The following TAMALIN variants were observed in gnomAD, a reference collection of about 807,000 sequenced individuals.
TAMALIN encodes protein TAMALIN.
A neutral mutation model predicts 38.5 loss-of-function variants in TAMALIN; 9 were observed. That is an observed-to-expected ratio of 0.23 (90% CI 0.14 to 0.41). The LOEUF (loss-of-function observed/expected upper bound fraction) is 0.41. Among genes scored for constraint, TAMALIN ranks in the 10% least tolerant of loss-of-function variants. The probability of loss-of-function intolerance (pLI) is 1.00; values close to 1 mark genes in which losing one functional copy is unlikely to be tolerated. For synonymous variants in TAMALIN, 306 were observed against 256.5 expected, an observed-to-expected ratio of 1.19 and a Z score of -1.85; for missense variants, 548 against 554.1, an observed-to-expected ratio of 0.99 and a Z score of 0.11.
At position 52,014,206 on chromosome 12, in the gene TAMALIN, G is replaced by A. The variant is rs1426510363; in HGVS notation, c.682+5G>A. ...AGGAGCAGCGGCTGGTGCATGGTGA[G>A]TAGATCCCGGGGTGTGAGGGGCCAC... On this transcript the variant is annotated splice_donor_5th_base_variant and intron_variant, in intron 7 of 7. Coordinates refer to ENST00000293662, the MANE Select transcript of TAMALIN (RefSeq NM_181711.4). 1.3e-6 allele frequency: 2 copies of A among 1,594,210 alleles called. No homozygotes were observed. The highest frequency in any genetic ancestry group is 1.7e-6 in the Non-Finnish European group (2 of 1,169,852).
At position 52,015,469 on chromosome 12, in the gene TAMALIN, A is replaced by G. The variant is rs1937789019; in HGVS notation, c.*270A>G. ...GCCAAAGATGGGGGTGCTCGCCTAC[A>G]GTCTGCATCTGTAGTGCCTTGTGGG... is the stretch of plus-strand genomic sequence containing the variant. On this transcript the variant is annotated 3_prime_UTR_variant, in exon 8 of 8. Transcript: ENST00000293662. The G allele has an allele frequency of 7.0e-6, 3 of 428,620 alleles. No individual in the cohort carries two copies. The highest frequency in any genetic ancestry group is 1.3e-5 in the Non-Finnish European group (3 of 234,850). The allele number at this position is 428,620 out of a possible 1,614,324, so 26.6% of individuals were successfully genotyped here.
At position 52,014,796 on chromosome 12, in the gene TAMALIN, T is replaced by C; in HGVS notation, c.785T>C (p.Leu262Pro). ...LLPGSLPFGP[L>P]LAVPGRPRGG... The stretch of plus-strand genomic sequence containing the variant: ...CCGGGCTCGCTGCCCTTCGGGCCTC[T>C]GCTCGCCGTGCCCGGGCGTCCCCGC... The change falls in exon 8 of 8, where the codon CTG (leucine) becomes CCG (proline). Residue 262 changes from leucine to proline, a missense_variant. Physicochemically the swap from Leu to Pro is moderately conservative, Grantham distance 98 (BLOSUM62 -3). Coordinates refer to ENST00000293662, the MANE Select transcript of TAMALIN (RefSeq NM_181711.4). The C allele has an allele frequency of 7.1e-7, 1 of 1,408,860 alleles. No individual in the cohort carries two copies. The highest frequency in any genetic ancestry group is 9.2e-7 in the Non-Finnish European group (1 of 1,087,804). The allele number at this position is 1,408,860 out of a possible 1,614,324, so 87.3% of individuals were successfully genotyped here. A position where few individuals can be genotyped will look rare whatever the true frequency, so the allele number is the denominator to read the frequency against.
At position 52,007,815 on chromosome 12, in the gene TAMALIN, C is replaced by T. The variant is rs1015168278; in HGVS notation, c.246+550C>T. 1 of 985,440 alleles carries T rather than the reference C, an allele frequency of 1.0e-6. No homozygotes were observed. The highest frequency in any genetic ancestry group is 1.7e-5 in the African/African-American group (1 of 57,376). The allele number at this position is 985,440 out of a possible 1,614,324, so 61.0% of individuals were successfully genotyped here. A position where few individuals can be genotyped will look rare whatever the true frequency, so the allele number is the denominator to read the frequency against. On this transcript the variant is annotated intron_variant, in intron 1 of 7. Transcript: ENST00000293662. This position sits in a 1 kb window ranked among gnomAD's most constrained non-coding sequence, Gnocchi z 6.7. ...GCCGCCTGGCCCCACGTCTGACGTA[C>T]GGGGCGCGAGGGCCACTGCTCCCTG...
At position 52,014,981 on chromosome 12, in the gene TAMALIN, C is replaced by G. The variant is rs1162841456; in HGVS notation, c.970C>G (p.Pro324Ala). ...CCCTGCCGTGGGGCCGGGCCCTGGG[C>G]CGCGGGCCGCGCTGAGCCGCAGCGC... ...ETPAVGPGPG[P>A]RAALSRSASV... is the part of the protein sequence containing the mutation. Residue 324 changes from proline (P) to alanine (A), a missense_variant, in exon 8 of 8, where the codon CCG (proline) becomes GCG (alanine). Pro to Ala is a conservative substitution (Grantham distance 27). Around this residue, in one of 3 missense-constraint regions of TAMALIN, gnomAD observed 415 missense variants for 417.0 expected, o/e 1.00. Transcript: ENST00000293662. 10 of 973,260 alleles carry G rather than the reference C, an allele frequency of 1.0e-5. No homozygotes were observed. The highest frequency in any genetic ancestry group is 1.1e-5 in the Non-Finnish European group (9 of 819,542). 60.3% of individuals were successfully genotyped at this position (973,260 alleles called of 1,614,324 possible). A position where few individuals can be genotyped will look rare whatever the true frequency, so the allele number is the denominator to read the frequency against.
rs1284536574 is a variant in TAMALIN at position 52,012,613 on chromosome 12, C to G, written c.455-1074C>G. On this transcript the variant is annotated intron_variant, in intron 4 of 7. Coordinates refer to ENST00000293662, the MANE Select transcript of TAMALIN (RefSeq NM_181711.4). ...CACTGTTACGTTGGGGATGAAGCCT[C>G]AACATGAGTTTTGGGGACAAACAAT... is the stretch of plus-strand genomic sequence containing the variant. Among the ~76,000 whole-genome samples, 5 of 152,314 alleles carry G rather than the reference C, an allele frequency of 3.3e-5. No homozygotes were observed. The East Asian group carries it at 9.6e-4, about 29-fold the overall frequency.
chr12:52,007,241 C>T lies in TAMALIN; in HGVS notation c.222C>T (p.Ser74=), dbSNP rs1237389480. ...AGCTGTACCGCGCGCTCGCCGTGTC[C>T]GGGGGCACCCTGCCCCGCCGAAAGG... ...PAELYRALAV[S]GGTLPRRKGS... Residue 74 remains serine, a synonymous_variant, in exon 1 of 8, where the codon TCC becomes TCT. Transcript: ENST00000293662. This position sits in a 1 kb window ranked among gnomAD's most constrained non-coding sequence, Gnocchi z 6.7. The T allele has an allele frequency of 2.1e-6, 3 of 1,416,446 alleles. No individual in the cohort carries two copies. Among genetic ancestry groups the T allele is most frequent in the Non-Finnish European group, 2.8e-6 (3 of 1,089,722 alleles). The allele number at this position is 1,416,446 out of a possible 1,614,324, so 87.7% of individuals were successfully genotyped here.
rs553060700 is a variant in TAMALIN, at chr12:52,008,734, C to T, written c.247-456C>T. The T allele has an allele frequency of 3.0e-6, 3 of 985,416 alleles. No individual in the cohort carries two copies. The Admixed American group carries it at 1.8e-4, about 60-fold the overall frequency. 61.0% of individuals were successfully genotyped at this position (985,416 alleles called of 1,614,324 possible). A position where few individuals can be genotyped will look rare whatever the true frequency, so the allele number is the denominator to read the frequency against. ...AAATTAGATGGAGAGACCCAACTGG[C>T]AGAAGGTCCTCGGAGCACCTTGATA... On this transcript the variant is annotated intron_variant, in intron 1 of 7. Transcript: ENST00000293662.
rs767798963 is a variant in TAMALIN at position 52,011,074 on chromosome 12, G to A, written c.387G>A (p.Val129=). 2 of 1,613,178 alleles carry A rather than the reference G, an allele frequency of 1.2e-6. No homozygotes were observed. The highest frequency in any genetic ancestry group is 2.7e-5 in the African/African-American group (2 of 74,898). ...TTCACCACCGGGAGGAGCAGCGTGT[G>A]GAAATGGTGACCTTTGTCTGCCGAG... is the stretch of plus-strand genomic sequence containing the variant. The part of the protein sequence containing the change: ...YGLHHREEQR[V]EMVTFVCRVH... Residue 129 remains valine, a synonymous_variant, in exon 4 of 8, where the codon GTG becomes GTA. Transcript: ENST00000293662. The surrounding 1 kb of genome is among the most constrained non-coding windows in gnomAD (Gnocchi z 5.3).
rs777413235 is a variant in TAMALIN at position 52,011,907 on chromosome 12, G to A, written c.454+766G>A. ...CCTCCTTCCCACTTACCAGCAGCCC[G>A]TGCTAGCTATCTTAGTCCATTTTCT... is the stretch of plus-strand genomic sequence containing the variant. On this transcript the variant is annotated intron_variant, in intron 4 of 7. Coordinates refer to ENST00000293662, the MANE Select transcript of TAMALIN (RefSeq NM_181711.4). This position sits in a 1 kb window ranked among gnomAD's most constrained non-coding sequence, Gnocchi z 5.3. 5.9e-4 allele frequency among the ~76,000 whole-genome samples: 90 copies of A among 151,998 alleles called. No individual in the cohort carries two copies. The highest frequency in any genetic ancestry group is 2.0e-3 in the African/African-American group (84 of 41,380).
At position 52,014,952 on chromosome 12, in the gene TAMALIN, A is replaced by AGACCCCTGCCGT; in HGVS notation, c.943_954dup (p.Thr315_Val318dup). On this transcript the variant is annotated inframe_insertion, in exon 8 of 8. Coordinates refer to ENST00000293662, the MANE Select transcript of TAMALIN (RefSeq NM_181711.4). ...CGCGCCTTCGGCCCGGGCCCCGCCG[A>AGACCCCTGCCGT]GACCCCTGCCGTGGGGCCGGGCCCT... is the stretch of plus-strand genomic sequence containing the variant. 4.1e-6 allele frequency: 4 copies of AGACCCCTGCCGT among 985,878 alleles called. No homozygotes were observed. The highest frequency in any genetic ancestry group is 4.8e-6 in the Non-Finnish European group (4 of 828,580). 61.1% of individuals were successfully genotyped at this position (985,878 alleles called of 1,614,324 possible).
chr12:52,010,652 G>A, intron 2 of TAMALIN: 1 of 1,022,160 alleles, frequency 9.8e-7, no homozygotes, highest in Non-Finnish European at 1.3e-6. Flanking sequence ...CCTTCTCTGT[G>A]CTTCCCTCCC....
chr12:52,009,098 G>T, intron 1 of TAMALIN, 92 bp from the exon 2 acceptor site: 1 of 1,227,040 alleles, frequency 8.1e-7, no homozygotes, highest in South Asian at 1.3e-5. Flanking sequence ...GGGGCAGACA[G>T]GAAGTGGGTC....
rs1290653411 is a variant in TAMALIN, at chr12:52,011,705, C to T, written c.454+564C>T. ...ATAACCTTGAACTCCTGGGCTCAAGCGATCCTCCTCTTGCCTCTGCCTCCC... is the reference window on the plus strand; with the variant it reads ...ATAACCTTGAACTCCTGGGCTCAAGTGATCCTCCTCTTGCCTCTGCCTCCC... On this transcript the variant is annotated intron_variant, in intron 4 of 7. Coordinates refer to ENST00000293662, the MANE Select transcript of TAMALIN (RefSeq NM_181711.4). This position sits in a 1 kb window ranked among gnomAD's most constrained non-coding sequence, Gnocchi z 5.3. 1.3e-5 allele frequency among the ~76,000 whole-genome samples: 2 copies of T among 152,046 alleles called. No individual in the cohort carries two copies. The highest frequency in any genetic ancestry group is 1.9e-4 in the East Asian group (1 of 5,184).
At chr12:52,008,354 T>C (rs920088226) in intron 1 of TAMALIN, 4 of 985,218 alleles carry the variant, frequency 4.1e-6, no homozygotes, top group Non-Finnish European at 4.8e-6. Flanking sequence ...GAGACTACTT[T>C]AGTTTATCAA....
Position 52,015,520 on chromosome 12 carries a change from G to T in TAMALIN, c.*321G>T. ...GTATCCAGGAACACCCTCCCAGCAG[G>T]GGATGGGAACCCTGTCCCATGAAGC... On this transcript the variant is annotated 3_prime_UTR_variant, in exon 8 of 8. Coordinates refer to ENST00000293662, the MANE Select transcript of TAMALIN (RefSeq NM_181711.4). 1 of 261,982 alleles carries T rather than the reference G, an allele frequency of 3.8e-6. No individual in the cohort carries two copies. The highest frequency in any genetic ancestry group is 7.4e-6 in the Non-Finnish European group (1 of 134,602). 16.2% of individuals were successfully genotyped at this position (261,982 alleles called of 1,614,324 possible).
chr12:52,008,625 G>A (rs1380678224), intron 1 of TAMALIN: 4 of 985,452 alleles, frequency 4.1e-6, no homozygotes, highest in Non-Finnish European at 3.6e-6. Flanking sequence ...TGGCACCTCT[G>A]ACCCCACATT....
At chr12:52,010,481 G>C in intron 2 of TAMALIN, 3 of 1,028,268 alleles carry the variant, frequency 2.9e-6, no homozygotes, top group Non-Finnish European at 3.5e-6. Context: ...CTGGCCTCTG[G>C]GGGTGGGGCC....
chr12:52,007,570 C>T lies in TAMALIN; in HGVS notation c.246+305C>T, dbSNP rs1006447911. On this transcript the variant is annotated intron_variant, in intron 1 of 7. Coordinates refer to ENST00000293662, the MANE Select transcript of TAMALIN (RefSeq NM_181711.4). This position sits in a 1 kb window ranked among gnomAD's most constrained non-coding sequence, Gnocchi z 6.7. ...CCATCTGGCTTTCTGCCCCCCATGC[C>T]CCGCCTCCCCGTGGCCAGGTGTCCT... The T allele has an allele frequency of 9.1e-6, 9 of 984,132 alleles. No individual in the cohort carries two copies. Among genetic ancestry groups the T allele is most frequent in the Admixed American group, 6.1e-5 (1 of 16,262 alleles). 61.0% of individuals were successfully genotyped at this position (984,132 alleles called of 1,614,324 possible).
At chr12:52,014,346 A>T (rs1400419483) in intron 7 of TAMALIN, 145 bp downstream of exon 7, 4 of 717,260 alleles carry the variant, frequency 5.6e-6, no homozygotes, top group Non-Finnish European at 9.9e-6. Context: ...AGCTACTACT[A>T]CTTTGGGTAC....
Sources: gnomAD v4.1 joint callset for allele counts (sites outside exome capture counted in the v4.1 genomes callset) on GRCh38, gnomAD v4.1.1 for gene constraint, gnomAD v4.1.1 regional missense constraint, Gnocchi (gnomAD v3.1) non-coding constraint, MANE v1.5 for transcripts, NCBI Gene and HGNC (gene_info 2026-07-23, HGNC 2026-07-21) for gene names.